CDYL: variants seen among roughly 807,000 people sequenced by gnomAD.
CDYL encodes the protein chromodomain Y-like protein.
In CDYL, 8 loss-of-function variants were observed where a neutral mutation model predicts 47.3. That is an observed-to-expected ratio of 0.17 (90% CI 0.10 to 0.31). CDYL has a LOEUF of 0.31. Among genes scored for constraint, CDYL ranks in the 10% least tolerant of loss-of-function variants. The probability of loss-of-function intolerance (pLI) is 1.00; values close to 1 mark genes in which losing one functional copy is unlikely to be tolerated. For missense variants in CDYL, 471 were observed against 701.4 expected (o/e 0.67, Z 3.71); for synonymous variants, 266 against 265.0 (o/e 1.00, Z -0.04).
intron 3 of CDYL, among the ~76,000 whole-genome samples, chr6:4,735,911 G>A (rs1227944138): frequency 6.6e-6 from 1 of 152,148 alleles, no homozygotes; most frequent in African/African-American, 2.4e-5. Context: ...GTGATGGGGG[G>A]GGGTGGGATG....
At chr6:4,901,467 C>T (rs1223364127) in intron 2 of CDYL, among the ~76,000 whole-genome samples, 1 of 152,148 alleles carries the variant, frequency 6.6e-6, no homozygotes, top group Non-Finnish European at 1.5e-5. Context: ...TAGCCTCTTC[C>T]GAGCATGCTA....
rs537233157 is a variant in CDYL, at chr6:4,852,339, C to T, written c.25-39374C>T. ...TCTTCCTTCCTTCCTTCCTTCCCTC[C>T]TTCCTTCCTTCCAATCTTCCTTCCT... On this transcript the variant is annotated intron_variant, in intron 1 of 6. Transcript: ENST00000397588. Among the ~76,000 whole-genome samples the T allele has an allele frequency of 9.8e-4, 149 of 151,284 alleles. 1 individual carries two copies. Among genetic ancestry groups the T allele is most frequent in the Non-Finnish European group, 1.2e-3 (82 of 67,736 alleles).
intron 2 of CDYL, among the ~76,000 whole-genome samples, chr6:4,729,734 AG>A (rs1388784748): frequency 6.6e-6 from 1 of 152,206 alleles, no homozygotes; most frequent in Non-Finnish European, 1.5e-5. Flanking sequence ...CCTGGGCAAC[AG>A]GGTGAAATCC....
At position 4,776,743 on chromosome 6, in the gene CDYL, C is replaced by G; in HGVS notation, c.-41C>G. The G allele has an allele frequency of 8.0e-7, 1 of 1,256,188 alleles. No homozygotes were observed. Among genetic ancestry groups the G allele is most frequent in the Non-Finnish European group, 1.0e-6 (1 of 970,906 alleles). 77.8% of individuals were successfully genotyped at this position (1,256,188 alleles called of 1,614,324 possible). A position where few individuals can be genotyped will look rare whatever the true frequency, so the allele number is the denominator to read the frequency against. On this transcript the variant is annotated 5_prime_UTR_variant, in exon 1 of 7. Coordinates refer to ENST00000397588, the MANE Select transcript of CDYL (RefSeq NM_004824.4). ...GTCGGCCGCCCGGCGCCGGCGCCCG[C>G]CCCGACCCTGCCCCTCCCGCCCGCA...
intron 3 of CDYL, among the ~76,000 whole-genome samples, chr6:4,746,856 A>C (rs192352349): frequency 7.2e-5 from 11 of 151,896 alleles, no homozygotes; most frequent in Non-Finnish European, 1.2e-4. Context: ...CATAGCACAC[A>C]CTGGCCAGGT....
chr6:4,926,195 T>C (rs566779232), intron 2 of CDYL, among the ~76,000 whole-genome samples: 99 of 152,336 alleles, frequency 6.5e-4, no homozygotes, highest in Non-Finnish European at 1.1e-3. Flanking sequence ...TATTGATGTT[T>C]AAAGCCTGCA....
At chr6:4,786,192 A>T (rs1758751943) in intron 1 of CDYL, among the ~76,000 whole-genome samples, 1 of 152,190 alleles carries the variant, frequency 6.6e-6, no homozygotes, top group African/African-American at 2.4e-5. Flanking sequence ...TGCAAGCCTG[A>T]CCTGTTGTTT....
chr6:4,939,476 C>T lies in CDYL; in HGVS notation c.1121+1739C>T, dbSNP rs908100794. Among the ~76,000 whole-genome samples, 4 of 152,204 alleles carry T rather than the reference C, an allele frequency of 2.6e-5. No individual in the cohort carries two copies. In the South Asian group the frequency reaches 8.3e-4, roughly 32 times the overall value. ...CATTTTCAGAATTACTATATTTTCT[C>T]ATATGATGTACACATGTATTTAGGA... On this transcript the variant is annotated intron_variant, in intron 4 of 6. Transcript: ENST00000397588.
At chr6:4,735,906 G>C (rs12110757) in intron 3 of CDYL, among the ~76,000 whole-genome samples, 2 of 3,908 alleles carry the variant, frequency 5.1e-4, no homozygotes, top group Non-Finnish European at 4.8e-3. Flanking sequence ...TGCACGTGAT[G>C]GGGGGGGGTG....
chr6:4,795,945 T>C (rs1380890481), intron 1 of CDYL, among the ~76,000 whole-genome samples: 1 of 152,218 alleles, frequency 6.6e-6, no homozygotes, highest in Non-Finnish European at 1.5e-5. Context: ...TTTTTCTGTT[T>C]ATTTAAAATA....
chr6:4,779,934 G>A (rs977220318), intron 1 of CDYL, among the ~76,000 whole-genome samples: 7 of 152,096 alleles, frequency 4.6e-5, no homozygotes, highest in African/African-American at 1.7e-4. Context: ...ATCATTTTAT[G>A]TGTCATGAAA....
At chr6:4,912,406 C>T (rs1411660776) in intron 2 of CDYL, among the ~76,000 whole-genome samples, 1 of 152,262 alleles carries the variant, frequency 6.6e-6, no homozygotes, top group East Asian at 1.9e-4. Context: ...CCTGCAGTGG[C>T]TCCTTGGGAG....
intron 2 of CDYL, among the ~76,000 whole-genome samples, chr6:4,721,707 G>A (rs961330784): frequency 1.3e-5 from 2 of 151,844 alleles, no homozygotes; most frequent in South Asian, 2.1e-4. Context: ...ACACTTACAC[G>A]TCACTGCTTG....
rs1310395534 is a variant in CDYL at position 4,955,320 on chromosome 6, A to G, written c.*1264A>G. On this transcript the variant is annotated 3_prime_UTR_variant, in exon 7 of 7. Transcript: ENST00000397588. ...AATTCTTATTTTTGTACAGTTTTGA[A>G]GTTTATACTTAGAACTGACCACCTC... 6.6e-6 allele frequency: 1 copy of G among 152,610 alleles called. No homozygotes were observed. Among genetic ancestry groups the G allele is most frequent in the Non-Finnish European group, 1.5e-5 (1 of 68,038 alleles). 9.5% of individuals were successfully genotyped at this position (152,610 alleles called of 1,614,324 possible). A position where few individuals can be genotyped will look rare whatever the true frequency, so the allele number is the denominator to read the frequency against.
At chr6:4,835,474 C>T (rs1581199827) in intron 1 of CDYL, among the ~76,000 whole-genome samples, 2 of 152,328 alleles carry the variant, frequency 1.3e-5, no homozygotes, top group African/African-American at 2.4e-5. Context: ...GATGTCAGTC[C>T]GCCCCTACTG....
At chr6:4,756,171 C>A (rs1050682188) in intron 3 of CDYL, among the ~76,000 whole-genome samples, 1 of 152,186 alleles carries the variant, frequency 6.6e-6, no homozygotes, top group African/African-American at 2.4e-5. Flanking sequence ...GGCCACTGAA[C>A]AACCTTTCAG....
chr6:4,850,685 A>G (rs1030358029), intron 1 of CDYL, among the ~76,000 whole-genome samples: 1 of 152,172 alleles, frequency 6.6e-6, no homozygotes, highest in Admixed American at 6.5e-5. Context: ...TTGATAATTG[A>G]AAGCATATAG....
rs548940932 is a variant in CDYL, at chr6:4,837,760, C to T, written c.25-53953C>T. Among the ~76,000 whole-genome samples, 24 of 148,278 alleles carry T rather than the reference C, an allele frequency of 1.6e-4. No individual in the cohort carries two copies. In the East Asian group the frequency reaches 1.7e-3, roughly 10 times the overall value. ...TTACAGGCACATGAGCCACCGCGCC[C>T]GGCCTCTTATTTTTTCTTTTCCCGT... On this transcript the variant is annotated intron_variant, in intron 1 of 6. Transcript: ENST00000397588.
chr6:4,740,351 A>G (rs796989065), intron 3 of CDYL, among the ~76,000 whole-genome samples: 26 of 152,148 alleles, frequency 1.7e-4, no homozygotes, highest in African/African-American at 6.0e-4. Flanking sequence ...ACACTTGGCA[A>G]TGTCTGGAGG....
Sources: gnomAD v4.1 joint callset for allele counts (sites outside exome capture counted in the v4.1 genomes callset) on GRCh38, gnomAD v4.1.1 for gene constraint, MANE v1.5 for transcripts, NCBI Gene and HGNC (gene_info 2026-07-23, HGNC 2026-07-21) for gene names.